The following FGD3 variants were observed in gnomAD, a reference collection of about 807,000 sequenced individuals.
FGD3 encodes FYVE, RhoGEF and PH domain-containing protein 3.
A neutral mutation model predicts 71.8 loss-of-function variants in FGD3; 45 were observed. That is an observed-to-expected ratio of 0.63 (90% confidence interval 0.49 to 0.80). FGD3 has a LOEUF of 0.80. Among genes scored for constraint, FGD3 ranks in the 30% least tolerant of loss-of-function variants. The pLI is 0.00. For synonymous variants in FGD3, 378 were observed against 392.8 expected (o/e 0.96, Z 0.44); for missense variants, 844 against 951.5 (o/e 0.89, Z 1.49).
At chr9:92,952,091 G>C (rs1265363966) in intron 1 of FGD3, among the ~76,000 whole-genome samples, 1 of 152,132 alleles carries the variant, frequency 6.6e-6, no homozygotes, top group Admixed American at 6.5e-5. Flanking sequence ...TCATCCATTA[G>C]AGACCACACT....
intron 3 of FGD3, among the ~76,000 whole-genome samples, chr9:92,980,392 G>C (rs967706920): frequency 2.0e-5 from 3 of 152,018 alleles, no homozygotes; most frequent in African/African-American, 7.2e-5. Context: ...AACTTTTCAT[G>C]TTGTTGGTTT....
At position 93,035,462 on chromosome 9, in the gene FGD3, G is replaced by A; in HGVS notation, c.2051G>A (p.Ser684Asn). Residue 684 changes from serine (S) to asparagine (N), a missense_variant, in exon 18 of 18, where the codon AGC (serine) becomes AAC (asparagine). Transcript: ENST00000375482. ...LQWAKQSWYL[S>N]ASSAELQQQW... Reference sequence around the variant, plus strand: ...TGGGCCAAGCAGTCCTGGTACCTGAGCGCCTCCTCCGCAGAGCTGCAGCAG... The same window carrying A: ...TGGGCCAAGCAGTCCTGGTACCTGAACGCCTCCTCCGCAGAGCTGCAGCAG... 1.9e-6 allele frequency: 3 copies of A among 1,613,510 alleles called. No individual in the cohort carries two copies. In the South Asian group the frequency reaches 3.3e-5, roughly 18 times the overall value.
chr9:92,948,363 A>C (rs1383080629), intron 1 of FGD3, among the ~76,000 whole-genome samples: 10 of 152,132 alleles, frequency 6.6e-5, no homozygotes, highest in African/African-American at 2.4e-4. Flanking sequence ...GTTCATTAAG[A>C]CCTCCAGTTC....
intron 1 of FGD3, among the ~76,000 whole-genome samples, chr9:92,967,952 C>T (rs1209418737): frequency 6.6e-6 from 1 of 152,194 alleles, no homozygotes; most frequent in East Asian, 1.9e-4. Flanking sequence ...GGGATGGACA[C>T]TTGAGGGGCT....
At chr9:92,983,479 C>G (rs1016683292) in intron 3 of FGD3, among the ~76,000 whole-genome samples, 3 of 151,546 alleles carry the variant, frequency 2.0e-5, no homozygotes, top group African/African-American at 7.3e-5. Context: ...GAGCCGAGAT[C>G]ACACCACTGC....
rs771981149 is a variant in FGD3, at chr9:93,034,632, C to T, written c.1877C>T (p.Ala626Val). The change falls in exon 17 of 18, where the codon GCC (alanine) becomes GTC (valine). Residue 626 changes from alanine to valine, a missense_variant. Ala to Val is a moderately conservative substitution (Grantham distance 64, BLOSUM62 0). Coordinates refer to ENST00000375482, the MANE Select transcript of FGD3 (RefSeq NM_001083536.2). ...GAGACCTGGAGCGAGGTGTGGGCCGCCATCCCCATGTCAGATCCCCAGGTG... is the reference window on the plus strand; with the variant it reads ...GAGACCTGGAGCGAGGTGTGGGCCGTCATCCCCATGTCAGATCCCCAGGTG... ...SGETWSEVWA[A>V]IPMSDPQVLH... 21 of 1,613,332 alleles carry T rather than the reference C, an allele frequency of 1.3e-5. No individual in the cohort carries two copies. The highest frequency in any genetic ancestry group is 1.7e-5 in the Non-Finnish European group (20 of 1,179,854).
rs991660006 is a variant in FGD3 at position 93,010,126 on chromosome 9, C to T, written c.838-120C>T. 4.2e-6 allele frequency: 5 copies of T among 1,200,992 alleles called. No individual in the cohort carries two copies. The East Asian group carries it at 7.6e-5, about 18-fold the overall frequency. The allele number at this position is 1,200,992 out of a possible 1,614,324, so 74.4% of individuals were successfully genotyped here. On this transcript the variant is annotated intron_variant, in intron 6 of 17. Coordinates refer to ENST00000375482, the MANE Select transcript of FGD3 (RefSeq NM_001083536.2). ...TCTGTGTCAGCCATGTCTTGAAGGA[C>T]AGTCAGTTCTGGGCAGCCAGTTCCG...
At chr9:93,000,491 T>A (rs1000967018) in intron 3 of FGD3, among the ~76,000 whole-genome samples, 8 of 152,214 alleles carry the variant, frequency 5.3e-5, no homozygotes, top group African/African-American at 1.9e-4. Flanking sequence ...AAGAACTCCC[T>A]CAGTTTTTGT....
At chr9:93,012,814 A>T (rs1861486932) in intron 8 of FGD3, among the ~76,000 whole-genome samples, 2 of 152,134 alleles carry the variant, frequency 1.3e-5, no homozygotes, top group African/African-American at 4.8e-5. Context: ...TAGTCCCTTC[A>T]TGGACTGGCT....
At chr9:93,008,886 G>A (rs1394316650) in intron 6 of FGD3, among the ~76,000 whole-genome samples, 1 of 151,452 alleles carries the variant, frequency 6.6e-6, no homozygotes, top group African/African-American at 2.4e-5. Context: ...AATTGCTTGA[G>A]CCGGGGAGGC....
At position 92,957,414 on chromosome 9, in the gene FGD3, G is replaced by A. The variant is rs977799231; in HGVS notation, c.-218+9685G>A. ...TCACTGTAGCGGTTCAGATGGGGCT[G>A]TAATCATTCCTCAGTGTGGTTTTTA... is the stretch of plus-strand genomic sequence containing the variant. On this transcript the variant is annotated intron_variant, in intron 1 of 17. Transcript: ENST00000375482. Among the ~76,000 whole-genome samples the A allele has an allele frequency of 3.9e-5, 6 of 152,318 alleles. No individual in the cohort carries two copies. In the South Asian group the frequency reaches 1.2e-3, roughly 32 times the overall value.
chr9:92,958,854 G>GA (rs1859113383), intron 1 of FGD3, among the ~76,000 whole-genome samples: 1 of 152,196 alleles, frequency 6.6e-6, no homozygotes, highest in Non-Finnish European at 1.5e-5. Context: ...CACCTTCATT[G>GA]AAAATCAATT....
Position 93,010,377 on chromosome 9 carries a change from T to A in FGD3, c.969T>A (p.Asp323Glu). Residue 323 changes from aspartate (D) to glutamate (E), a missense_variant, in exon 7 of 18, where the codon GAT (aspartate) becomes GAA (glutamate). Coordinates refer to ENST00000375482, the MANE Select transcript of FGD3 (RefSeq NM_001083536.2). ...CGCAGGACGCCCCAGACCGGAAGGA[T>A]GCGGAGAGTGAGCTGGGGCCAAGGG... ...RLPQDAPDRK[D>E]AERSLELIST... The A allele has an allele frequency of 2.5e-6, 4 of 1,607,084 alleles. No individual in the cohort carries two copies. The highest frequency in any genetic ancestry group is 3.4e-6 in the Non-Finnish European group (4 of 1,174,980).
intron 15 of FGD3, 98 bp downstream of exon 15, chr9:93,030,094 AC>A: frequency 6.9e-7 from 1 of 1,439,068 alleles, no homozygotes; most frequent in Non-Finnish European, 9.4e-7. Flanking sequence ...AGCCATGCAC[AC>A]CAGCCCTGCA....
At position 92,986,771 on chromosome 9, in the gene FGD3, A is replaced by G. The variant is rs142503664; in HGVS notation, c.453+10062A>G. Among the ~76,000 whole-genome samples, 11 of 152,350 alleles carry G rather than the reference A, an allele frequency of 7.2e-5. No individual in the cohort carries two copies. In the East Asian group the frequency reaches 2.1e-3, roughly 29 times the overall value. On this transcript the variant is annotated intron_variant, in intron 3 of 17. Coordinates refer to ENST00000375482, the MANE Select transcript of FGD3 (RefSeq NM_001083536.2). ...GGGGCATAACAGGAATGAAAAGCAC[A>G]TGGTAAGTCAGAAGGAGCTGGCAGA...
At chr9:92,995,284 T>C (rs926597373) in intron 3 of FGD3, among the ~76,000 whole-genome samples, 2 of 152,216 alleles carry the variant, frequency 1.3e-5, no homozygotes, top group African/African-American at 2.4e-5. Context: ...TTGTCTGTTA[T>C]TGGTGTAAAG....
intron 3 of FGD3, among the ~76,000 whole-genome samples, chr9:92,980,237 T>G (rs1222219675): frequency 6.6e-6 from 1 of 152,150 alleles, no homozygotes; most frequent in Non-Finnish European, 1.5e-5. Flanking sequence ...GCCAGGGTGA[T>G]CTCAAATTCC....
chr9:93,012,703 GAA>G (rs1435495592), intron 8 of FGD3, among the ~76,000 whole-genome samples: 6 of 134,030 alleles, frequency 4.5e-5, no homozygotes, highest in South Asian at 2.4e-4. Context: ...GTGGGGGGGG[GAA>G]GAATCAATCT....
intron 3 of FGD3, among the ~76,000 whole-genome samples, chr9:92,993,638 C>T (rs1159418259): frequency 6.6e-6 from 1 of 152,128 alleles, no homozygotes; most frequent in African/African-American, 2.4e-5. Flanking sequence ...ATGACAGGCC[C>T]TAGTTTGTGA....
Sources: gnomAD v4.1 joint callset for allele counts (sites outside exome capture counted in the v4.1 genomes callset) on GRCh38, gnomAD v4.1.1 for gene constraint, MANE v1.5 for transcripts, NCBI Gene and HGNC (gene_info 2026-07-23, HGNC 2026-07-21) for gene names.